The following FARS2 variants were observed in gnomAD, a reference collection of about 807,000 sequenced individuals.
FARS2 encodes phenylalanyl-tRNA synthetase 2, mitochondrial, also known as phenylalanine--tRNA ligase, mitochondrial.
FARS2 carries 40 observed loss-of-function variants against 46.4 expected under a neutral mutation model. The ratio of observed to expected loss-of-function variants is 0.86; its 90% CI spans 0.67 to 1.12. The LOEUF is 1.12. FARS2 is among the 50% of genes most tolerant of loss of function. The pLI is 0.00. For synonymous variants in FARS2, 234 were observed against 214.9 expected (o/e 1.09, Z -0.78); for missense variants, 513 against 567.9 (o/e 0.90, Z 0.98).
intron 1 of FARS2, among the ~76,000 whole-genome samples, chr6:5,296,895 A>G (rs1400324610): frequency 1.3e-5 from 2 of 152,184 alleles, no homozygotes; most frequent in African/African-American, 2.4e-5. Flanking sequence ...GAGTGTACAG[A>G]TATCTTTTCA....
At chr6:5,742,367 C>T (rs567907517) in intron 6 of FARS2, among the ~76,000 whole-genome samples, 1 of 152,284 alleles carries the variant, frequency 6.6e-6, no homozygotes, top group South Asian at 2.1e-4. Flanking sequence ...ACAGTTTCTA[C>T]AAAAGAACAA....
chr6:5,574,750 T>C (rs947046691), intron 5 of FARS2, among the ~76,000 whole-genome samples: 1 of 152,236 alleles, frequency 6.6e-6, no homozygotes, highest in African/African-American at 2.4e-5. Flanking sequence ...AACTTTGTTT[T>C]ATGTGTGTTT....
chr6:5,631,687 CG>C (rs1014807929), intron 6 of FARS2, among the ~76,000 whole-genome samples: 1 of 152,060 alleles, frequency 6.6e-6, no homozygotes, highest in African/African-American at 2.4e-5. Context: ...AAGTGGAGGT[CG>C]GAAATTGAAC....
chr6:5,422,725 T>C (rs1240687927), intron 3 of FARS2, among the ~76,000 whole-genome samples: 1 of 152,218 alleles, frequency 6.6e-6, no homozygotes, highest in Non-Finnish European at 1.5e-5. Flanking sequence ...TTTAGCACAG[T>C]GCCCAGCATA....
intron 1 of FARS2, among the ~76,000 whole-genome samples, chr6:5,342,449 A>G (rs576020316): frequency 1.3e-5 from 2 of 152,334 alleles, no homozygotes; most frequent in African/African-American, 4.8e-5. Context: ...CAGTTAAGTG[A>G]CTCATGGTCA....
At chr6:5,414,841 A>C (rs1296780428) in intron 3 of FARS2, among the ~76,000 whole-genome samples, 2 of 121,956 alleles carry the variant, frequency 1.6e-5, no homozygotes, top group African/African-American at 6.3e-5. Context: ...TTTGAGACAG[A>C]GTCTCACTCT....
intron 1 of FARS2, among the ~76,000 whole-genome samples, chr6:5,333,786 A>G (rs999237725): frequency 7.2e-5 from 11 of 152,122 alleles, no homozygotes; most frequent in African/African-American, 2.7e-4. Flanking sequence ...ATAATTTACC[A>G]TGTAATTCTC....
In FARS2 at chr6:5,540,231, C is replaced by G. The variant is rs184284953; in HGVS notation, c.905-4949C>G. 5.1e-3 allele frequency among the ~76,000 whole-genome samples: 778 copies of G among 152,230 alleles called. 5 individuals are homozygous for G. The highest frequency in any genetic ancestry group is 6.3e-3 in the Non-Finnish European group (427 of 68,002). ...TGATAATTCGATTTTGGACTCATAC[C>G]TTTATTTCTTATTGTTTCTGATATT... On this transcript the variant is annotated intron_variant, in intron 4 of 6. Coordinates refer to ENST00000274680, the MANE Select transcript of FARS2 (RefSeq NM_006567.5).
At chr6:5,586,910 T>A (rs1773642076) in intron 5 of FARS2, among the ~76,000 whole-genome samples, 1 of 152,190 alleles carries the variant, frequency 6.6e-6, no homozygotes, top group Non-Finnish European at 1.5e-5. Flanking sequence ...GAAGACTGAT[T>A]ATAATATATT....
intron 4 of FARS2, among the ~76,000 whole-genome samples, chr6:5,497,912 A>G (rs1188831226): frequency 1.3e-5 from 2 of 152,220 alleles, no homozygotes; most frequent in Non-Finnish European, 2.9e-5. Flanking sequence ...TTCATTGTGA[A>G]TAAACAAATA....
intron 6 of FARS2, among the ~76,000 whole-genome samples, chr6:5,657,292 A>G (rs1234839146): frequency 1.3e-5 from 2 of 152,190 alleles, no homozygotes; most frequent in Admixed American, 6.5e-5. Context: ...GGAAGCCTTT[A>G]TCTAAACGAG....
intron 6 of FARS2, among the ~76,000 whole-genome samples, chr6:5,647,073 G>T (rs1355820632): frequency 6.6e-6 from 1 of 152,154 alleles, no homozygotes; most frequent in African/African-American, 2.4e-5. Context: ...TGGCCCAAAT[G>T]TATTTTTGGT....
At chr6:5,646,018 A>G (rs917930763) in intron 6 of FARS2, among the ~76,000 whole-genome samples, 6 of 152,182 alleles carry the variant, frequency 3.9e-5, no homozygotes, top group African/African-American at 1.4e-4. Flanking sequence ...TTAGGACTGA[A>G]GGGGCATTTT....
intron 4 of FARS2, among the ~76,000 whole-genome samples, chr6:5,505,030 A>T (rs936281377): frequency 4.6e-5 from 7 of 152,214 alleles, no homozygotes; most frequent in Non-Finnish European, 8.8e-5. Context: ...GTGATTATAT[A>T]GATCCATGAT....
intron 1 of FARS2, among the ~76,000 whole-genome samples, chr6:5,324,554 A>G (rs1422450407): frequency 6.9e-6 from 1 of 145,726 alleles, no homozygotes; most frequent in East Asian, 2.0e-4. Context: ...TTATTTTCTC[A>G]CTTATTGGTC....
At chr6:5,365,943 T>A (rs1561987625) in intron 1 of FARS2, among the ~76,000 whole-genome samples, 1 of 152,158 alleles carries the variant, frequency 6.6e-6, no homozygotes, top group Non-Finnish European at 1.5e-5. Context: ...TATCTTCATG[T>A]TGAGTAGGCT....
intron 5 of FARS2, among the ~76,000 whole-genome samples, chr6:5,553,911 A>C (rs1771508825): frequency 6.6e-6 from 1 of 152,190 alleles, no homozygotes; most frequent in Non-Finnish European, 1.5e-5. Context: ...TCTCAGCTGC[A>C]TCGTCGTTCA....
At chr6:5,510,101 G>C (rs1206666548) in intron 4 of FARS2, among the ~76,000 whole-genome samples, 1 of 152,102 alleles carries the variant, frequency 6.6e-6, no homozygotes, top group Non-Finnish European at 1.5e-5. Flanking sequence ...CCAAAGGCTG[G>C]GGTTTGGAGG....
intron 4 of FARS2, among the ~76,000 whole-genome samples, chr6:5,494,472 G>A (rs1455941560): frequency 6.6e-6 from 1 of 152,162 alleles, no homozygotes; most frequent in Non-Finnish European, 1.5e-5. Flanking sequence ...TCCTTGATAG[G>A]TTCTTATTCT....
Sources: allele counts gnomAD v4.1 joint callset (sites outside exome capture counted in the v4.1 genomes callset), GRCh38; gene constraint gnomAD v4.1.1; transcripts MANE v1.5; gene names NCBI Gene and HGNC (gene_info 2026-07-23, HGNC 2026-07-21).